The following CEP57L1 variants were observed in gnomAD, a reference collection of about 807,000 sequenced individuals.
CEP57L1 encodes the protein centrosomal protein CEP57L1.
CEP57L1 carries 37 observed loss-of-function variants against 61.0 expected under a neutral mutation model. The ratio of observed to expected loss-of-function variants is 0.61; its 90% CI spans 0.47 to 0.80. The LOEUF (loss-of-function observed/expected upper bound fraction) is 0.80, where lower values mean the gene tolerates loss of function less well. Ranked by LOEUF, CEP57L1 falls within the 30% of genes least tolerant of loss-of-function variation. The pLI, the probability that CEP57L1 is intolerant of heterozygous loss-of-function variation, is 0.00. For synonymous variants in CEP57L1, 137 were observed against 162.3 expected (o/e 0.84, Z 1.19); for missense variants, 422 against 524.7 (o/e 0.80, Z 1.91).
chr6:109,097,875 A>T (rs987377846), intron 1 of CEP57L1, among the ~76,000 whole-genome samples: 1 of 152,234 alleles, frequency 6.6e-6, no homozygotes, highest in Admixed American at 6.5e-5. Flanking sequence ...TAACATTCTA[A>T]TGAAGAGAAT....
At position 109,133,274 on chromosome 6, in the gene CEP57L1, A is replaced by C. The variant is rs370245337; in HGVS notation, c.-3-11945A>C. Among the ~76,000 whole-genome samples the C allele has an allele frequency of 2.0e-5, 3 of 152,136 alleles. No homozygotes were observed. In the South Asian group the frequency reaches 6.2e-4, roughly 32 times the overall value. ...GATGGTTTGGGGATGAAACAGTTTCACCCTAGATCATTCCAGATCATGAGA... is the reference window on the plus strand; with the variant it reads ...GATGGTTTGGGGATGAAACAGTTTCCCCCTAGATCATTCCAGATCATGAGA... On this transcript the variant is annotated intron_variant, in intron 1 of 10. Coordinates refer to ENST00000517392, the MANE Select transcript of CEP57L1 (RefSeq NM_001271852.3).
intron 8 of CEP57L1, 27 bp from the exon 9 acceptor site, chr6:109,159,242 A>T: frequency 6.2e-7 from 1 of 1,614,148 alleles, no homozygotes; most frequent in Non-Finnish European, 8.5e-7. Flanking sequence ...CTGTTCTGTG[A>T]ATGCAAGTAT....
chr6:109,101,092 G>A (rs994485516), intron 1 of CEP57L1, among the ~76,000 whole-genome samples: 20 of 152,166 alleles, frequency 1.3e-4, no homozygotes, highest in Non-Finnish European at 1.2e-4. Context: ...GGGCGACAGA[G>A]TATGACTCTG....
chr6:109,112,000 C>G (rs567090559), intron 1 of CEP57L1, among the ~76,000 whole-genome samples: 2 of 152,144 alleles, frequency 1.3e-5, no homozygotes, highest in Non-Finnish European at 2.9e-5. Flanking sequence ...TTTGTTGTGT[C>G]TCTGCCAGGT....
In CEP57L1 at chr6:109,166,340, T is replaced by C. The variant is rs1462754973; in HGVS notation, c.*3370T>C. Reference sequence around the variant, plus strand: ...TACCTGCCAGTAGATGTGAGAGCTTTTCTTACTTTAAAAGTGTAATTTTAA... The same window carrying C: ...TACCTGCCAGTAGATGTGAGAGCTTCTCTTACTTTAAAAGTGTAATTTTAA... On this transcript the variant is annotated 3_prime_UTR_variant, in exon 11 of 11. Transcript: ENST00000517392. 6.6e-6 allele frequency among the ~76,000 whole-genome samples: 1 copy of C among 152,154 alleles called. No homozygotes were observed. Among genetic ancestry groups the C allele is most frequent in the Non-Finnish European group, 1.5e-5 (1 of 68,020 alleles).
intron 7 of CEP57L1, 129 bp from the exon 8 acceptor site, chr6:109,158,896 A>T (rs1773465250): frequency 2.4e-6 from 2 of 821,774 alleles, no homozygotes; most frequent in East Asian, 5.1e-5. Context: ...TATGTCAGTG[A>T]AATTTCTGTC....
intron 1 of CEP57L1, among the ~76,000 whole-genome samples, chr6:109,125,675 T>C (rs1283888748): frequency 3.3e-5 from 5 of 151,646 alleles, no homozygotes; most frequent in African/African-American, 1.2e-4. Flanking sequence ...TTGAAGCTAG[T>C]CTAGGCAACA....
chr6:109,156,687 G>C (rs1773252312), intron 7 of CEP57L1: 1 of 152,102 alleles, frequency 6.6e-6, no homozygotes, highest in African/African-American at 2.4e-5. Context: ...GATGCTATTT[G>C]GGAATTCTGG....
chr6:109,142,594 TAAAG>T (rs544517919), intron 1 of CEP57L1, among the ~76,000 whole-genome samples: 3 of 138,790 alleles, frequency 2.2e-5, no homozygotes, highest in African/African-American at 5.3e-5. Context: ...TTAGAATAAA[TAAAG>T]AAAAAATAAA....
At chr6:109,112,624 T>C (rs756455951) in intron 1 of CEP57L1, among the ~76,000 whole-genome samples, 2 of 152,212 alleles carry the variant, frequency 1.3e-5, no homozygotes, top group Non-Finnish European at 2.9e-5. Flanking sequence ...TTTTGATCTT[T>C]CCTGCTTTCT....
At chr6:109,095,191 C>T (rs1230840589), upstream of CEP57L1, 25 of 985,510 alleles carry the variant, frequency 2.5e-5, no homozygotes, top group African/African-American at 3.0e-4. Context: ...TAAGCTTGCG[C>T]CCTGAGGCGG....
chr6:109,155,882 G>A lies in CEP57L1; in HGVS notation c.744+5G>A, dbSNP rs780317623. 6.6e-6 allele frequency: 10 copies of A among 1,523,190 alleles called. No homozygotes were observed. The highest frequency in any genetic ancestry group is 1.7e-4 in the Middle Eastern group (1 of 5,874). The allele number at this position is 1,523,190 out of a possible 1,614,324, so 94.4% of individuals were successfully genotyped here. On this transcript the variant is annotated splice_donor_5th_base_variant and intron_variant, in intron 7 of 10. Coordinates refer to ENST00000517392, the MANE Select transcript of CEP57L1 (RefSeq NM_001271852.3). ...GAAAAGAAGAAATCTTCAAAGGTGTGCATATAAAATTTTTTCCCAAACAAA... is the reference window on the plus strand; with the variant it reads ...GAAAAGAAGAAATCTTCAAAGGTGTACATATAAAATTTTTTCCCAAACAAA...
At chr6:109,128,676 C>T (rs561995900) in intron 1 of CEP57L1, among the ~76,000 whole-genome samples, 1 of 152,322 alleles carries the variant, frequency 6.6e-6, no homozygotes, top group East Asian at 1.9e-4. Context: ...GGCCCTTATG[C>T]ATTTTTAGCC....
At chr6:109,114,790 G>T (rs1257716906) in intron 1 of CEP57L1, among the ~76,000 whole-genome samples, 2 of 152,068 alleles carry the variant, frequency 1.3e-5, no homozygotes, top group Admixed American at 6.6e-5. Context: ...TTGGTGTTCT[G>T]TTACACTGCA....
chr6:109,100,611 G>A (rs1434735473), intron 1 of CEP57L1, among the ~76,000 whole-genome samples: 2 of 142,148 alleles, frequency 1.4e-5, no homozygotes, highest in Non-Finnish European at 3.0e-5. Flanking sequence ...GGAGGCAGAG[G>A]TTGCAGTGAG....
In CEP57L1 at chr6:109,148,653, C is replaced by G. The variant is rs562913061; in HGVS notation, c.341-1465C>G. ...ATACCCAGTAATGGGATGGCTGGGT[C>G]AAATGGTATTTCTAGTTCTAGATCC... On this transcript the variant is annotated intron_variant, in intron 3 of 10. Coordinates refer to ENST00000517392, the MANE Select transcript of CEP57L1 (RefSeq NM_001271852.3). Among the ~76,000 whole-genome samples the G allele has an allele frequency of 8.2e-3, 1,244 of 152,228 alleles. 13 individuals carry two copies. Among genetic ancestry groups the G allele is most frequent in the African/African-American group, 0.028 (1,167 of 41,530 alleles).
At position 109,128,203 on chromosome 6, in the gene CEP57L1, T is replaced by A. The variant is rs116415549; in HGVS notation, c.-3-17016T>A. 8.3e-3 allele frequency among the ~76,000 whole-genome samples: 1,259 copies of A among 152,288 alleles called. 23 individuals are homozygous for A. The highest frequency in any genetic ancestry group is 0.029 in the African/African-American group (1,208 of 41,548). The stretch of plus-strand genomic sequence containing the variant: ...CAGTTCTGTGTCTGTAAGCACCTCA[T>A]ATTTGACATGTCTAAAACAGAATTC... On this transcript the variant is annotated intron_variant, in intron 1 of 10. Coordinates refer to ENST00000517392, the MANE Select transcript of CEP57L1 (RefSeq NM_001271852.3).
chr6:109,156,066 T>A (rs1484094502), intron 7 of CEP57L1, 189 bp downstream of exon 7: 1 of 414,122 alleles, frequency 2.4e-6, no homozygotes, highest in African/African-American at 2.1e-5. Context: ...AGATTCAGGT[T>A]AAAAAAAGTA....
chr6:109,143,142 A>C (rs564708044), intron 1 of CEP57L1, among the ~76,000 whole-genome samples: 1 of 152,254 alleles, frequency 6.6e-6, no homozygotes, highest in East Asian at 1.9e-4. Context: ...TATTGGTGAA[A>C]CATTTCTCAG....
Sources: allele counts gnomAD v4.1 joint callset (sites outside exome capture counted in the v4.1 genomes callset), GRCh38; gene constraint gnomAD v4.1.1; transcripts MANE v1.5; gene names NCBI Gene and HGNC (gene_info 2026-07-23, HGNC 2026-07-21).